Variants in CHCHD3 observed in about 807,000 individuals in gnomAD.
CHCHD3 encodes coiled-coil-helix-coiled-coil-helix domain containing 3.
A neutral mutation model predicts 38.2 loss-of-function variants in CHCHD3; 20 were observed. That is an observed-to-expected ratio of 0.52 (90% CI 0.37 to 0.76). CHCHD3 has a LOEUF of 0.76. CHCHD3 is among the 30% of genes least tolerant of loss of function. The probability of loss-of-function intolerance (pLI) is 0.00; values close to 1 mark genes in which losing one functional copy is unlikely to be tolerated. For missense variants in CHCHD3, 245 were observed against 279.2 expected (o/e 0.88, Z 0.87); for synonymous variants, 82 against 100.0 (o/e 0.82, Z 1.07).
chr7:133,018,201 T>G (rs546072890), intron 3 of CHCHD3, among the ~76,000 whole-genome samples: 1 of 152,358 alleles, frequency 6.6e-6, no homozygotes, highest in Admixed American at 6.5e-5. Flanking sequence ...AAGGAATATT[T>G]TGGAAATAAT....
intron 2 of CHCHD3, among the ~76,000 whole-genome samples, chr7:133,041,046 C>T (rs956410011): frequency 6.6e-6 from 1 of 152,162 alleles, no homozygotes; most frequent in African/African-American, 2.4e-5. Flanking sequence ...CATGGCATCA[C>T]AGCAGAGCAG....
At chr7:132,969,069 G>C (rs1052709568) in intron 4 of CHCHD3, among the ~76,000 whole-genome samples, 4 of 151,838 alleles carry the variant, frequency 2.6e-5, no homozygotes, top group African/African-American at 9.7e-5. Flanking sequence ...AGGCAAACTG[G>C]GGATGAAAAG....
chr7:132,798,974 C>G (rs2117032954), intron 6 of CHCHD3, among the ~76,000 whole-genome samples: 1 of 151,552 alleles, frequency 6.6e-6, no homozygotes, highest in East Asian at 1.9e-4. Flanking sequence ...TACTCACTTC[C>G]AGGGCTCTTG....
intron 4 of CHCHD3, among the ~76,000 whole-genome samples, chr7:132,887,456 A>G (rs987568931): frequency 7.2e-5 from 11 of 151,740 alleles, no homozygotes; most frequent in Non-Finnish European, 1.5e-5. Context: ...AATGAAAAAG[A>G]ATAGACTCAT....
intron 4 of CHCHD3, among the ~76,000 whole-genome samples, chr7:132,954,406 G>C (rs1250476130): frequency 6.6e-6 from 1 of 152,154 alleles, no homozygotes; most frequent in Admixed American, 6.5e-5. Context: ...TAGACATTTT[G>C]CTGGCCTGAC....
chr7:132,857,206 G>C (rs969416082), intron 5 of CHCHD3, among the ~76,000 whole-genome samples: 1 of 152,024 alleles, frequency 6.6e-6, no homozygotes, highest in Non-Finnish European at 1.5e-5. Context: ...TTTCTAAAAG[G>C]AGCTAGGAAG....
chr7:132,862,662 G>A (rs889631957), intron 5 of CHCHD3, among the ~76,000 whole-genome samples: 11 of 152,164 alleles, frequency 7.2e-5, no homozygotes, highest in African/African-American at 2.4e-4. Context: ...ATGTGATGCT[G>A]TTTAATAGCA....
intron 5 of CHCHD3, among the ~76,000 whole-genome samples, chr7:132,861,532 T>C (rs1808491029): frequency 6.6e-6 from 1 of 152,154 alleles, no homozygotes; most frequent in Non-Finnish European, 1.5e-5. Flanking sequence ...TGGAACATAG[T>C]TGGATATGTC....
intron 5 of CHCHD3, among the ~76,000 whole-genome samples, chr7:132,883,288 A>G (rs1186074839): frequency 6.6e-6 from 1 of 152,256 alleles, no homozygotes; most frequent in African/African-American, 2.4e-5. Context: ...ACTCTGTGCT[A>G]CATACTATTA....
intron 6 of CHCHD3, among the ~76,000 whole-genome samples, chr7:132,835,273 C>T (rs938102642): frequency 6.6e-6 from 1 of 152,074 alleles, no homozygotes. Context: ...TGAGCCACCT[C>T]GCCTGGCTGA....
At chr7:132,900,989 T>C (rs982614418) in intron 4 of CHCHD3, among the ~76,000 whole-genome samples, 1 of 151,770 alleles carries the variant, frequency 6.6e-6, no homozygotes, top group Admixed American at 6.6e-5. Context: ...AGCCTCCCTC[T>C]CAAAAAACAA....
At chr7:133,048,383 T>C (rs1263647431) in intron 2 of CHCHD3, among the ~76,000 whole-genome samples, 1 of 152,122 alleles carries the variant, frequency 6.6e-6, no homozygotes, top group Non-Finnish European at 1.5e-5. Context: ...TATACAAAAC[T>C]GAGTGCAGTA....
intron 5 of CHCHD3, among the ~76,000 whole-genome samples, chr7:132,868,812 C>T (rs1222682365): frequency 6.6e-6 from 1 of 152,096 alleles, no homozygotes; most frequent in Non-Finnish European, 1.5e-5. Flanking sequence ...TGAACACTGT[C>T]CCACAAAGCT....
At chr7:132,939,455 T>A (rs1376670669) in intron 4 of CHCHD3, among the ~76,000 whole-genome samples, 1 of 152,190 alleles carries the variant, frequency 6.6e-6, no homozygotes, top group South Asian at 2.1e-4. Context: ...TGTGTTATAA[T>A]TGTATTAAGT....
At chr7:133,042,293 T>C (rs1474465628) in intron 2 of CHCHD3, among the ~76,000 whole-genome samples, 1 of 152,216 alleles carries the variant, frequency 6.6e-6, no homozygotes, top group Non-Finnish European at 1.5e-5. Context: ...CACACTGCGG[T>C]AGTATTTCTG....
chr7:132,887,038 T>C, intron 4 of CHCHD3: 1 of 1,036,042 alleles, frequency 9.7e-7, no homozygotes, highest in Non-Finnish European at 1.2e-6. Flanking sequence ...ACATAAGTAC[T>C]GTTTTTTCCT....
At chr7:133,018,476 C>T (rs1427739372) in intron 3 of CHCHD3, among the ~76,000 whole-genome samples, 1 of 152,078 alleles carries the variant, frequency 6.6e-6, no homozygotes, top group African/African-American at 2.4e-5. Context: ...CCTTTATAAG[C>T]CTTGATCAAT....
chr7:132,899,610 C>T (rs1809614025), intron 4 of CHCHD3, among the ~76,000 whole-genome samples: 1 of 152,176 alleles, frequency 6.6e-6, no homozygotes, highest in Non-Finnish European at 1.5e-5. Flanking sequence ...AATTGCTTCA[C>T]TTATGCAGGC....
intron 7 of CHCHD3, among the ~76,000 whole-genome samples, chr7:132,795,262 T>C (rs1806577559): frequency 1.3e-5 from 2 of 152,238 alleles, no homozygotes; most frequent in African/African-American, 4.8e-5. Flanking sequence ...TTCATATTCA[T>C]ATTGAAGGCT....
Sources: gnomAD v4.1 joint callset for allele counts (sites outside exome capture counted in the v4.1 genomes callset) on GRCh38, gnomAD v4.1.1 for gene constraint, MANE v1.5 for transcripts, NCBI Gene and HGNC (gene_info 2026-07-23, HGNC 2026-07-21) for gene names.